The following KDM2A variants were observed in gnomAD, a reference collection of about 807,000 sequenced individuals.
KDM2A encodes the protein lysine demethylase 2A.
A neutral mutation model predicts 137.3 loss-of-function variants in KDM2A; 3 were observed. That is an observed-to-expected ratio of 0.02 (90% confidence interval 0.01 to 0.06). The LOEUF (loss-of-function observed/expected upper bound fraction) is 0.06, where lower values mean the gene tolerates loss of function less well. Ranked by LOEUF, KDM2A falls within the 10% of genes least tolerant of loss-of-function variation. KDM2A has a pLI of 1.00. For synonymous variants in KDM2A, 512 were observed against 541.5 expected, an observed-to-expected ratio of 0.95 and a Z score of 0.76; for missense variants, 738 against 1,510.6, an observed-to-expected ratio of 0.49 and a Z score of 8.48.
rs1206299678 is a variant in KDM2A, at chr11:67,255,604, A to G, written c.*549A>G. ...ACACTGGTGCTGTTGAGATCTCCCA[A>G]ACCTCACGTCCTTAACTGTGCTCTC... is the stretch of plus-strand genomic sequence containing the variant. On this transcript the variant is annotated 3_prime_UTR_variant, in exon 21 of 21. Transcript: ENST00000529006. 4.4e-6 allele frequency: 2 copies of G among 456,460 alleles called. No homozygotes were observed. The highest frequency in any genetic ancestry group is 2.4e-5 in the Admixed American group (1 of 42,546). 28.3% of individuals were successfully genotyped at this position (456,460 alleles called of 1,614,324 possible).
chr11:67,227,398 CA>C (rs1336300548), intron 10 of KDM2A, among the ~76,000 whole-genome samples: 4 of 152,096 alleles, frequency 2.6e-5, no homozygotes, highest in Non-Finnish European at 5.9e-5. Context: ...CCTTCTGATT[CA>C]GGGGCAAATA....
chr11:67,165,622 G>A (rs1203810170), intron 2 of KDM2A, among the ~76,000 whole-genome samples: 1 of 152,168 alleles, frequency 6.6e-6, no homozygotes, highest in Non-Finnish European at 1.5e-5. Flanking sequence ...TGAGAGGAAT[G>A]TAGCAAAGCT....
Position 67,255,977 on chromosome 11 carries a change from G to A in KDM2A, c.*922G>A, listed in dbSNP as rs1248646716. On this transcript the variant is annotated 3_prime_UTR_variant, in exon 21 of 21. Transcript: ENST00000529006. ...AGCCTATCTCCCCCAAGCTGGAGGC[G>A]GCAGAGGACTGGGCCAAGCCCCAAC... is the stretch of plus-strand genomic sequence containing the variant. 4.6e-5 allele frequency: 9 copies of A among 196,870 alleles called. 1 individual carries two copies. Among genetic ancestry groups the A allele is most frequent in the South Asian group, 3.7e-4 (5 of 13,356 alleles). 12.2% of individuals were successfully genotyped at this position (196,870 alleles called of 1,614,324 possible). A position where few individuals can be genotyped will look rare whatever the true frequency, so the allele number is the denominator to read the frequency against.
chr11:67,233,664 C>T (rs1322164139), intron 12 of KDM2A, among the ~76,000 whole-genome samples: 1 of 140,268 alleles, frequency 7.1e-6, no homozygotes, highest in Non-Finnish European at 1.5e-5. Flanking sequence ...ACAACAACAA[C>T]AACAAATCCA....
intron 5 of KDM2A, among the ~76,000 whole-genome samples, chr11:67,183,499 A>G (rs1453180408): frequency 1.3e-5 from 2 of 152,220 alleles, no homozygotes; most frequent in African/African-American, 4.8e-5. Flanking sequence ...TACCTAGACA[A>G]TAATTGCACG....
chr11:67,204,395 T>TC (rs1857739511), intron 5 of KDM2A, among the ~76,000 whole-genome samples: 1 of 152,178 alleles, frequency 6.6e-6, no homozygotes, highest in Non-Finnish European at 1.5e-5. Flanking sequence ...ATCTATTCTG[T>TC]CTTGGTGAAT....
At chr11:67,149,628 AT>A (rs1353045597) in intron 2 of KDM2A, among the ~76,000 whole-genome samples, 2 of 151,830 alleles carry the variant, frequency 1.3e-5, no homozygotes, top group African/African-American at 4.8e-5. Flanking sequence ...CTTTGCTTTT[AT>A]GCATACATAC....
intron 5 of KDM2A, chr11:67,196,579 T>G: frequency 2.4e-6 from 1 of 409,984 alleles, no homozygotes; most frequent in South Asian, 1.8e-5. Flanking sequence ...ATACTACACA[T>G]TACATGAATC....
intron 2 of KDM2A, among the ~76,000 whole-genome samples, chr11:67,163,116 AT>A (rs1358538794): frequency 6.6e-6 from 1 of 152,190 alleles, no homozygotes; most frequent in African/African-American, 2.4e-5. Context: ...TCAGACTGAT[AT>A]CCAGAATTTT....
chr11:67,240,423 G>A (rs2136440808), intron 12 of KDM2A: 4 of 1,463,124 alleles, frequency 2.7e-6, no homozygotes, highest in Non-Finnish European at 2.7e-6. Flanking sequence ...GTAACTATAG[G>A]GACTTTTGTC....
At chr11:67,177,958 A>C (rs1172851413) in intron 2 of KDM2A, among the ~76,000 whole-genome samples, 1 of 152,166 alleles carries the variant, frequency 6.6e-6, no homozygotes, top group African/African-American at 2.4e-5. Context: ...ATCTCATGGG[A>C]ACACTGTCAT....
At chr11:67,196,323 A>G in intron 5 of KDM2A, 1 of 456,058 alleles carries the variant, frequency 2.2e-6, no homozygotes, top group Non-Finnish European at 4.4e-6. Context: ...TACAGTTTTA[A>G]GAGATGAGGT....
intron 2 of KDM2A, among the ~76,000 whole-genome samples, chr11:67,166,405 C>A (rs1013839630): frequency 7.2e-5 from 11 of 151,862 alleles, no homozygotes; most frequent in Non-Finnish European, 1.2e-4. Flanking sequence ...AGGCTGGTCT[C>A]GAACTCCTGA....
chr11:67,173,912 A>G (rs1856926275), intron 2 of KDM2A, among the ~76,000 whole-genome samples: 1 of 151,298 alleles, frequency 6.6e-6, no homozygotes, highest in African/African-American at 2.4e-5. Flanking sequence ...GGGTCTTGGT[A>G]TGTTGCCCAG....
intron 5 of KDM2A, chr11:67,195,873 A>C (rs1487013710): frequency 2.1e-5 from 6 of 280,630 alleles, no homozygotes; most frequent in Non-Finnish European, 3.8e-5. Context: ...TTTATTTTCT[A>C]TTTTATAACC....
At chr11:67,239,388 A>G (rs1157146265) in intron 12 of KDM2A, among the ~76,000 whole-genome samples, 1 of 152,170 alleles carries the variant, frequency 6.6e-6, no homozygotes, top group Non-Finnish European at 1.5e-5. Flanking sequence ...AGAAGCAGGC[A>G]TCTGTTTTAG....
chr11:67,255,169 C>A lies in KDM2A; in HGVS notation c.*114C>A. 1.1e-6 allele frequency: 1 copy of A among 910,392 alleles called. No homozygotes were observed. Among genetic ancestry groups the A allele is most frequent in the Non-Finnish European group, 1.7e-6 (1 of 602,954 alleles). 56.4% of individuals were successfully genotyped at this position (910,392 alleles called of 1,614,324 possible). On this transcript the variant is annotated 3_prime_UTR_variant, in exon 21 of 21. Transcript: ENST00000529006. The stretch of plus-strand genomic sequence containing the variant: ...AGGCCAGCGTCACACTCCCTCTCTG[C>A]TCTCCTGTCCCTTGAGCCCTTCCTC...
At chr11:67,237,457 TCATTATTATTATTATTAG>T (rs1421954087) in intron 12 of KDM2A, among the ~76,000 whole-genome samples, 1 of 140,658 alleles carries the variant, frequency 7.1e-6, no homozygotes. Flanking sequence ...ATTATTATTA[TCATTATTATTATTATTAG>T]CAACGAGGTC....
At chr11:67,169,849 C>G (rs1010636716) in intron 2 of KDM2A, among the ~76,000 whole-genome samples, 1 of 148,156 alleles carries the variant, frequency 6.7e-6, no homozygotes, top group Non-Finnish European at 1.5e-5. Flanking sequence ...CCTCTGCCTC[C>G]TGGATTTAAG....
Sources: allele counts gnomAD v4.1 joint callset (sites outside exome capture counted in the v4.1 genomes callset), GRCh38; gene constraint gnomAD v4.1.1; transcripts MANE v1.5; gene names NCBI Gene and HGNC (gene_info 2026-07-23, HGNC 2026-07-21).